ZNF710: variants seen among roughly 807,000 people sequenced by gnomAD.
ZNF710 encodes the protein zinc finger protein 710.
ZNF710 carries 13 observed loss-of-function variants against 50.6 expected under a neutral mutation model. The ratio of observed to expected loss-of-function variants is 0.26; its 90% CI spans 0.17 to 0.41. The LOEUF is 0.41. Ranked by LOEUF, ZNF710 falls within the 10% of genes least tolerant of loss-of-function variation. The pLI is 1.00. For missense variants in ZNF710, 721 were observed against 936.6 expected (o/e 0.77, Z 3.01); for synonymous variants, 383 against 397.0 (o/e 0.96, Z 0.42).
At chr15:90,039,850 C>T (rs148988455) in intron 1 of ZNF710, among the ~76,000 whole-genome samples, 16 of 152,316 alleles carry the variant, frequency 1.1e-4, no homozygotes, top group African/African-American at 3.1e-4. Context: ...AAGCAAGGGG[C>T]GCTGTCCCAT....
chr15:90,040,312 C>A lies in ZNF710; in HGVS notation c.-28-26798C>A, dbSNP rs1474820263. Among the ~76,000 whole-genome samples, 2 of 152,202 alleles carry A rather than the reference C, an allele frequency of 1.3e-5. No homozygotes were observed. Among genetic ancestry groups the A allele is most frequent in the Non-Finnish European group, 2.9e-5 (2 of 68,036 alleles). ...GCAGAAACCCTGGTACCCAGATCCC[C>A]CAGTCTCCAGGGAGGTGTCCTTAGT... is the stretch of plus-strand genomic sequence containing the variant. On this transcript the variant is annotated intron_variant, in intron 1 of 4. Transcript: ENST00000268154. This position sits in a 1 kb window ranked among gnomAD's most constrained non-coding sequence, Gnocchi z 4.6.
intron 1 of ZNF710, among the ~76,000 whole-genome samples, chr15:90,013,353 T>C (rs1397979195): frequency 6.6e-6 from 1 of 152,232 alleles, no homozygotes; most frequent in Non-Finnish European, 1.5e-5. Context: ...TCTGCCCACC[T>C]TGGCCTCCCA....
At chr15:90,065,583 GA>G (rs3832997) in intron 1 of ZNF710, among the ~76,000 whole-genome samples, 9,663 of 149,468 alleles carry the variant, frequency 0.065, 616 homozygotes, top group African/African-American at 0.16. Flanking sequence ...GCAGGGTTGG[GA>G]AAAGGCTGCC....
chr15:90,017,789 G>T (rs1347805058), intron 1 of ZNF710, among the ~76,000 whole-genome samples: 1 of 151,968 alleles, frequency 6.6e-6, no homozygotes, highest in Non-Finnish European at 1.5e-5. Flanking sequence ...CCCAGGAAAC[G>T]GTTCCCAAAT....
chr15:90,035,237 C>T (rs1899085273), intron 1 of ZNF710, among the ~76,000 whole-genome samples: 1 of 152,234 alleles, frequency 6.6e-6, no homozygotes, highest in African/African-American at 2.4e-5. Flanking sequence ...AGACATGAGG[C>T]AATGGTCTTG....
intron 1 of ZNF710, among the ~76,000 whole-genome samples, chr15:90,029,496 GT>G (rs1248852764): frequency 2.9e-4 from 44 of 152,286 alleles, no homozygotes; most frequent in African/African-American, 1.0e-3. Context: ...ACCAAGCATG[GT>G]GGCTCACACA....
intron 1 of ZNF710, among the ~76,000 whole-genome samples, chr15:90,065,375 ATCCCC>A (rs1332895409): frequency 6.6e-6 from 1 of 152,184 alleles, no homozygotes; most frequent in East Asian, 1.9e-4. Context: ...CAGTAATGCC[ATCCCC>A]TCTCCTCAGA....
At chr15:90,001,226 G>C (rs1038885858), upstream of ZNF710, among the ~76,000 whole-genome samples, 2 of 152,076 alleles carry the variant, frequency 1.3e-5, no homozygotes, top group African/African-American at 4.8e-5. Context: ...GGTAGAAAGA[G>C]AAAAGAAAAC....
chr15:90,037,436 C>A (rs1462416966), intron 1 of ZNF710, among the ~76,000 whole-genome samples: 1 of 152,150 alleles, frequency 6.6e-6, no homozygotes, highest in Non-Finnish European at 1.5e-5. Flanking sequence ...CTCAGTCAGC[C>A]CCAGGCCCCT....
chr15:90,004,776 T>A (rs1290941844), intron 1 of ZNF710, among the ~76,000 whole-genome samples: 5 of 152,234 alleles, frequency 3.3e-5, no homozygotes, highest in Non-Finnish European at 7.3e-5. Context: ...AGAATGTAGC[T>A]ATGAGAGCAT....
rs1019858040 is a variant in ZNF710 at position 90,034,821 on chromosome 15, T to G, written c.-28-32289T>G. Among the ~76,000 whole-genome samples, 1 of 152,220 alleles carries G rather than the reference T, an allele frequency of 6.6e-6. No homozygotes were observed. The highest frequency in any genetic ancestry group is 1.9e-4 in the East Asian group (1 of 5,200). On this transcript the variant is annotated intron_variant, in intron 1 of 4. Coordinates refer to ENST00000268154, the MANE Select transcript of ZNF710 (RefSeq NM_198526.4). The surrounding 1 kb of genome is among the most constrained non-coding windows in gnomAD (Gnocchi z 4.0). ...TGCACACCTGGCGCCTGTTGGGGAC[T>G]TAGACCTCTTCCACATCGCCCCAAG...
At chr15:90,008,329 T>C (rs1220500693) in intron 1 of ZNF710, among the ~76,000 whole-genome samples, 1 of 150,174 alleles carries the variant, frequency 6.7e-6, no homozygotes, top group Non-Finnish European at 1.5e-5. Context: ...GTATTATCTT[T>C]ATTATATACA....
intron 1 of ZNF710, among the ~76,000 whole-genome samples, chr15:90,051,706 G>C (rs931050436): frequency 1.3e-5 from 2 of 152,152 alleles, no homozygotes; most frequent in Non-Finnish European, 2.9e-5. Flanking sequence ...CTTATTCTCT[G>C]GTGTACCTGG....
At chr15:90,072,318 AT>A (rs1426036679) in intron 2 of ZNF710, among the ~76,000 whole-genome samples, 1 of 152,184 alleles carries the variant, frequency 6.6e-6, no homozygotes, top group Non-Finnish European at 1.5e-5. Context: ...CCTGTTGAGA[AT>A]AAAAATTCCT....
chr15:90,023,621 C>T (rs1436996713), intron 1 of ZNF710, among the ~76,000 whole-genome samples: 1 of 152,200 alleles, frequency 6.6e-6, no homozygotes, highest in Non-Finnish European at 1.5e-5. Context: ...GAGTTCACGG[C>T]TGCAGTGAAC....
intron 1 of ZNF710, among the ~76,000 whole-genome samples, chr15:90,039,901 G>C (rs572480483): frequency 6.6e-6 from 1 of 152,280 alleles, no homozygotes; most frequent in African/African-American, 2.4e-5. Flanking sequence ...CCCTCTTCGA[G>C]TCACCCACAT....
intron 1 of ZNF710, among the ~76,000 whole-genome samples, chr15:90,064,232 C>T (rs1900100621): frequency 6.6e-6 from 1 of 152,236 alleles, no homozygotes; most frequent in Non-Finnish European, 1.5e-5. Context: ...CTGGAGGGCA[C>T]TGGGGGTGGC....
intron 1 of ZNF710, among the ~76,000 whole-genome samples, chr15:90,033,688 A>G (rs1190888038): frequency 6.6e-6 from 1 of 152,172 alleles, no homozygotes; most frequent in African/African-American, 2.4e-5. Context: ...CCTCCCAAGT[A>G]GCTGGGACCA....
At chr15:90,071,334 G>T (rs1392093631) in intron 2 of ZNF710, among the ~76,000 whole-genome samples, 1 of 92,432 alleles carries the variant, frequency 1.1e-5, no homozygotes, top group Non-Finnish European at 2.5e-5. Flanking sequence ...AAAACCAAAG[G>T]CTAATAAAAC....
Sources: allele counts gnomAD v4.1 joint callset (sites outside exome capture counted in the v4.1 genomes callset), GRCh38; gene constraint gnomAD v4.1.1; non-coding constraint Gnocchi (gnomAD v3.1); transcripts MANE v1.5; gene names NCBI Gene and HGNC (gene_info 2026-07-23, HGNC 2026-07-21).